MINDY4: variants seen among roughly 807,000 people sequenced by gnomAD.
MINDY4 encodes MINDY lysine 48 deubiquitinase 4.
A neutral mutation model predicts 87.0 loss-of-function variants in MINDY4; 68 were observed. That is an observed-to-expected ratio of 0.78 (90% CI 0.64 to 0.96). The LOEUF (loss-of-function observed/expected upper bound fraction) is 0.96. MINDY4 is among the 40% of genes least tolerant of loss of function. The probability of loss-of-function intolerance (pLI) is 0.00; values close to 1 mark genes in which losing one functional copy is unlikely to be tolerated. For synonymous variants in MINDY4, 379 were observed against 363.2 expected (o/e 1.04, Z -0.50); for missense variants, 919 against 928.2 (o/e 0.99, Z 0.13).
chr7:30,823,493 A>G (rs1239920915), intron 5 of MINDY4, among the ~76,000 whole-genome samples: 8 of 151,922 alleles, frequency 5.3e-5, no homozygotes, highest in Admixed American at 5.2e-4. Flanking sequence ...TTCCTCCTTC[A>G]GTAGCAGACT....
chr7:30,810,868 A>G (rs1275581661), intron 5 of MINDY4, among the ~76,000 whole-genome samples: 1 of 152,186 alleles, frequency 6.6e-6, no homozygotes. Flanking sequence ...TGCTAAAGGA[A>G]ATTTCTCAGT....
At chr7:30,846,188 G>A (rs1022572673) in intron 9 of MINDY4, among the ~76,000 whole-genome samples, 3 of 152,180 alleles carry the variant, frequency 2.0e-5, no homozygotes, top group South Asian at 4.1e-4. Flanking sequence ...CCCCAGGCCA[G>A]CCTTTCTACC....
At chr7:30,816,104 G>A (rs1209336387) in intron 5 of MINDY4, among the ~76,000 whole-genome samples, 1 of 151,896 alleles carries the variant, frequency 6.6e-6, no homozygotes, top group African/African-American at 2.4e-5. Context: ...CCTTCCAGCT[G>A]GATGAGCTGT....
chr7:30,809,119 G>C (rs1787905980), intron 5 of MINDY4, among the ~76,000 whole-genome samples: 1 of 152,062 alleles, frequency 6.6e-6, no homozygotes, highest in Admixed American at 6.5e-5. Context: ...ACCTGTAATT[G>C]ATGATTGAAG....
Position 30,814,876 on chromosome 7 carries a change from AT to A in MINDY4, c.1074-13802del. On this transcript the variant is annotated intron_variant, in intron 5 of 17. Coordinates refer to ENST00000265299, the MANE Select transcript of MINDY4 (RefSeq NM_032222.3). ...GGACCCAGTCAGAGCTGTTTCGAAC[AT>A]GTGGCTCACAGCTCTTATATAAATG... Among the ~76,000 whole-genome samples the A allele has an allele frequency of 1.3e-5, 2 of 152,360 alleles. 1 individual carries two copies. The highest frequency in any genetic ancestry group is 2.9e-5 in the Non-Finnish European group (2 of 68,024).
intron 15 of MINDY4, among the ~76,000 whole-genome samples, chr7:30,877,078 G>A (rs374026488): frequency 2.6e-5 from 4 of 152,090 alleles, no homozygotes; most frequent in South Asian, 2.1e-4. Flanking sequence ...AAAGACTTGC[G>A]GGAAAAAAGA....
At chr7:30,883,074 G>A in intron 17 of MINDY4, 81 bp downstream of exon 17, 1 of 1,381,124 alleles carries the variant, frequency 7.2e-7, no homozygotes, top group Non-Finnish European at 1.0e-6. Context: ...CAGGCCTGCA[G>A]GAAGGCAGAT....
chr7:30,844,886 G>A (rs552653585), intron 9 of MINDY4, among the ~76,000 whole-genome samples: 20 of 152,224 alleles, frequency 1.3e-4, no homozygotes, highest in Admixed American at 3.3e-4. Context: ...ATTGGACTCA[G>A]TAAGAAAATG....
chr7:30,869,198 C>A (rs543587451), intron 13 of MINDY4, among the ~76,000 whole-genome samples: 1 of 152,304 alleles, frequency 6.6e-6, no homozygotes, highest in South Asian at 2.1e-4. Context: ...GCTCATTAGA[C>A]TGGATGGTTA....
Position 30,819,122 on chromosome 7 carries a change from C to G in MINDY4, c.1074-9557C>G, listed in dbSNP as rs111845293. On this transcript the variant is annotated intron_variant, in intron 5 of 17. Coordinates refer to ENST00000265299, the MANE Select transcript of MINDY4 (RefSeq NM_032222.3). ...CTCTTTTGGTCTATTCTGTTGTTCTCTTTTGCTGGGGGATGCTTACTTTGC... is the reference window on the plus strand; with the variant it reads ...CTCTTTTGGTCTATTCTGTTGTTCTGTTTTGCTGGGGGATGCTTACTTTGC... 7.2e-5 allele frequency among the ~76,000 whole-genome samples: 11 copies of G among 152,152 alleles called. 2 individuals carry two copies. Among genetic ancestry groups the G allele is most frequent in the African/African-American group, 2.6e-4 (11 of 41,512 alleles).
chr7:30,877,676 T>C (rs1790304133), intron 15 of MINDY4, among the ~76,000 whole-genome samples: 2 of 131,362 alleles, frequency 1.5e-5, no homozygotes, highest in African/African-American at 7.2e-5. Context: ...TTCTTCTTCT[T>C]CTTCTTCTTT....
chr7:30,888,342 C>T (rs1790696978), intron 17 of MINDY4, among the ~76,000 whole-genome samples: 1 of 152,174 alleles, frequency 6.6e-6, no homozygotes. Flanking sequence ...TGTCACAGCC[C>T]TGGGAGAGGA....
chr7:30,871,161 TGGG>T (rs780660274), intron 13 of MINDY4, among the ~76,000 whole-genome samples: 34 of 152,030 alleles, frequency 2.2e-4, no homozygotes, highest in Non-Finnish European at 4.6e-4. Flanking sequence ...TGTGCAGAAG[TGGG>T]GGGGACAGAC....
Position 30,819,206 on chromosome 7 carries a change from C to T in MINDY4, c.1074-9473C>T, listed in dbSNP as rs573109362. The stretch of plus-strand genomic sequence containing the variant: ...GCTATACACTGCCCTCTCCATATTA[C>T]TTTAACTGCTTCCCGTAAGACTTTA... On this transcript the variant is annotated intron_variant, in intron 5 of 17. Transcript: ENST00000265299. Among the ~76,000 whole-genome samples the T allele has an allele frequency of 7.2e-5, 11 of 152,330 alleles. No homozygotes were observed. The East Asian group carries it at 2.1e-3, about 29-fold the overall frequency.
intron 5 of MINDY4, among the ~76,000 whole-genome samples, chr7:30,802,843 G>A (rs1562535834): frequency 1.3e-5 from 2 of 150,470 alleles, no homozygotes; most frequent in South Asian, 2.1e-4. Flanking sequence ...CATCCCAACC[G>A]ACCAACCAAA....
intron 1 of MINDY4, among the ~76,000 whole-genome samples, chr7:30,773,496 G>A (rs903607514): frequency 6.6e-6 from 1 of 152,092 alleles, no homozygotes; most frequent in Non-Finnish European, 1.5e-5. Flanking sequence ...ATGACTGCTT[G>A]CTCCGCCCTC....
chr7:30,791,358 C>T lies in MINDY4; in HGVS notation c.857C>T (p.Thr286Ile). The stretch of plus-strand genomic sequence containing the variant: ...CTGACCGTAGAAAGGCAGAAAACCA[C>T]TGCCAGCAGCCCTCCCCATCTGCCC... ...SELTVERQKT[T>I]ASSPPHLPSK... Residue 286 changes from threonine (T) to isoleucine (I), a missense_variant, in exon 5 of 18, where the codon ACT becomes ATT. Transcript: ENST00000265299. The T allele has an allele frequency of 1.9e-6, 3 of 1,614,186 alleles. No individual in the cohort carries two copies. Among genetic ancestry groups the T allele is most frequent in the Non-Finnish European group, 2.5e-6 (3 of 1,180,018 alleles).
Position 30,839,329 on chromosome 7 carries a change from T to A in MINDY4, c.1356+13T>A. ...AGTGCAGAACAAGGCAGGTTGCTCCTAGGTTTCCTTGGGACCTTTCTGCTG... is the reference window on the plus strand; with the variant it reads ...AGTGCAGAACAAGGCAGGTTGCTCCAAGGTTTCCTTGGGACCTTTCTGCTG... On this transcript the variant is annotated intron_variant, in intron 8 of 17. Coordinates refer to ENST00000265299, the MANE Select transcript of MINDY4 (RefSeq NM_032222.3). 1.3e-6 allele frequency: 2 copies of A among 1,536,744 alleles called. No homozygotes were observed. Among genetic ancestry groups the A allele is most frequent in the Non-Finnish European group, 1.8e-6 (2 of 1,128,612 alleles).
At chr7:30,881,878 T>C (rs893531883) in intron 15 of MINDY4, among the ~76,000 whole-genome samples, 5 of 152,050 alleles carry the variant, frequency 3.3e-5, no homozygotes, top group Non-Finnish European at 7.4e-5. Context: ...GGGGGAGCTC[T>C]TGGATGCAGA....
Sources: allele counts gnomAD v4.1 joint callset (sites outside exome capture counted in the v4.1 genomes callset), GRCh38; gene constraint gnomAD v4.1.1; transcripts MANE v1.5; gene names NCBI Gene and HGNC (gene_info 2026-07-23, HGNC 2026-07-21).